The following UBE4A variants were observed in gnomAD, a reference collection of about 807,000 sequenced individuals.
The protein encoded by UBE4A is ubiquitin conjugation factor E4 A.
In UBE4A, 48 loss-of-function variants were observed where a neutral mutation model predicts 117.9. The ratio of observed to expected loss-of-function variants is 0.41; its 90% CI spans 0.32 to 0.52. UBE4A has a LOEUF of 0.52. Ranked by LOEUF, UBE4A falls within the 20% of genes least tolerant of loss-of-function variation. UBE4A has a pLI of 0.33. For missense variants in UBE4A, 1,067 were observed against 1,296.3 expected, an observed-to-expected ratio of 0.82 and a Z score of 2.72; for synonymous variants, 407 against 450.0, an observed-to-expected ratio of 0.90 and a Z score of 1.21.
intron 16 of UBE4A, among the ~76,000 whole-genome samples, chr11:118,388,659 AAAAG>A (rs1555127659): frequency 6.6e-6 from 1 of 152,130 alleles, no homozygotes; most frequent in Non-Finnish European, 1.5e-5. Flanking sequence ...AAAAAAAAAA[AAAAG>A]AAGCGATGAG....
intron 1 of UBE4A, among the ~76,000 whole-genome samples, chr11:118,361,010 T>G (rs200717624): frequency 5.6e-5 from 6 of 107,670 alleles, no homozygotes; most frequent in South Asian, 4.2e-4. Flanking sequence ...GTGTGTGTAT[T>G]TTTTTTTTTT....
At chr11:118,386,684 C>T (rs1555127334) in intron 16 of UBE4A, 72 bp downstream of exon 16, 1 of 1,435,074 alleles carries the variant, frequency 7.0e-7, no homozygotes, top group Non-Finnish European at 9.2e-7. Context: ...GGGATCAGCC[C>T]AGCTGAAACT....
intron 18 of UBE4A, among the ~76,000 whole-genome samples, chr11:118,391,043 T>C (rs1269792061): frequency 1.2e-4 from 18 of 152,084 alleles, no homozygotes; most frequent in Admixed American, 1.2e-3. Flanking sequence ...AATCAGATTG[T>C]CACCTCAGCT....
At chr11:118,375,274 G>A in intron 9 of UBE4A, 45 bp downstream of exon 9, 4 of 1,468,928 alleles carry the variant, frequency 2.7e-6, no homozygotes, top group Non-Finnish European at 3.7e-6. Flanking sequence ...GTGTGTGTGT[G>A]TAACGTGTAA....
chr11:118,394,208 T>C (rs963353824), intron 19 of UBE4A, among the ~76,000 whole-genome samples: 3 of 152,086 alleles, frequency 2.0e-5, no homozygotes, highest in Non-Finnish European at 1.5e-5. Context: ...CAGGCTGGAG[T>C]GCAGTGGCAT....
In UBE4A at chr11:118,367,962, A is replaced by C. The variant is rs76828939; in HGVS notation, c.122-669A>C. On this transcript the variant is annotated intron_variant, in intron 2 of 19. Coordinates refer to ENST00000252108, the MANE Select transcript of UBE4A (RefSeq NM_001204077.2). ...AATATTAGAAACAACCCTATTGTTCATCAGTTGAAAAGTAGCTACATAAAC... is the reference window on the plus strand; with the variant it reads ...AATATTAGAAACAACCCTATTGTTCCTCAGTTGAAAAGTAGCTACATAAAC... 8.6e-3 allele frequency among the ~76,000 whole-genome samples: 1,316 copies of C among 152,336 alleles called. 20 individuals are homozygous for C. Among genetic ancestry groups the C allele is most frequent in the African/African-American group, 0.03 (1,251 of 41,568 alleles).
intron 1 of UBE4A, 126 bp downstream of exon 1, chr11:118,359,800 C>T (rs1241380821): frequency 6.6e-6 from 1 of 152,552 alleles, no homozygotes; most frequent in Non-Finnish European, 1.5e-5. Flanking sequence ...CTATGCTTTG[C>T]TAACCAGGGA....
chr11:118,364,638 T>A (rs1948548299), intron 1 of UBE4A, among the ~76,000 whole-genome samples: 1 of 152,130 alleles, frequency 6.6e-6, no homozygotes, highest in Non-Finnish European at 1.5e-5. Context: ...GCCAGCTTAA[T>A]TCTTGGGAAA....
rs368298990 is a variant in UBE4A at position 118,373,307 on chromosome 11, A to G, written c.924+19A>G. ...GGCAAAGGTAGGTCTGAAAGATGAT[A>G]TGTATTCAGTTGAGCTAGATGTGTA... On this transcript the variant is annotated intron_variant, in intron 7 of 19. Coordinates refer to ENST00000252108, the MANE Select transcript of UBE4A (RefSeq NM_001204077.2). 1.2e-6 allele frequency: 2 copies of G among 1,609,856 alleles called. No homozygotes were observed. Among genetic ancestry groups the G allele is most frequent in the East Asian group, 2.2e-5 (1 of 44,840 alleles).
In UBE4A at chr11:118,398,898, A is replaced by G. The variant is rs1366893623; in HGVS notation, c.*2458A>G. 1 of 205,768 alleles carries G rather than the reference A, an allele frequency of 4.9e-6. No homozygotes were observed. Among genetic ancestry groups the G allele is most frequent in the East Asian group, 1.4e-4 (1 of 6,904 alleles). 12.7% of individuals were successfully genotyped at this position (205,768 alleles called of 1,614,324 possible). ...GGTGCCAGTTGCTATTTGATATCAC[A>G]CTCTACAAAAGCTTCATTACTTTAT... On this transcript the variant is annotated 3_prime_UTR_variant, in exon 20 of 20. Transcript: ENST00000252108.
chr11:118,390,960 C>G (rs1230727288), intron 18 of UBE4A, among the ~76,000 whole-genome samples, 156 bp downstream of exon 18: 1 of 152,092 alleles, frequency 6.6e-6, no homozygotes, highest in South Asian at 2.1e-4. Context: ...TATGATCATG[C>G]CTGTGGATAG....
Position 118,396,989 on chromosome 11 carries a change from C to T in UBE4A, c.*549C>T, listed in dbSNP as rs1555129905. The T allele has an allele frequency of 2.0e-5, 3 of 152,058 alleles. No individual in the cohort carries two copies. Among genetic ancestry groups the T allele is most frequent in the Admixed American group, 6.6e-5 (1 of 15,262 alleles). 9.4% of individuals were successfully genotyped at this position (152,058 alleles called of 1,614,324 possible). A position where few individuals can be genotyped will look rare whatever the true frequency, so the allele number is the denominator to read the frequency against. On this transcript the variant is annotated 3_prime_UTR_variant, in exon 20 of 20. Coordinates refer to ENST00000252108, the MANE Select transcript of UBE4A (RefSeq NM_001204077.2). ...GCAGATACCTTTAAGTTTGTGTAGA[C>T]TTCTGAATAAGATGATAGACGAGAA...
At chr11:118,391,482 C>CAA (rs1183433504) in intron 18 of UBE4A, among the ~76,000 whole-genome samples, 1 of 113,578 alleles carries the variant, frequency 8.8e-6, no homozygotes, top group Non-Finnish European at 1.9e-5. Flanking sequence ...GATTCCATCT[C>CAA]AAAAAAAAAA....
rs1948899864 is a variant in UBE4A at position 118,398,898 on chromosome 11, ACT to A, written c.*2461_*2462del. The A allele has an allele frequency of 4.9e-6, 1 of 205,650 alleles. No individual in the cohort carries two copies. The highest frequency in any genetic ancestry group is 2.3e-5 in the African/African-American group (1 of 42,632). The allele number at this position is 205,650 out of a possible 1,614,324, so 12.7% of individuals were successfully genotyped here. A position where few individuals can be genotyped will look rare whatever the true frequency, so the allele number is the denominator to read the frequency against. On this transcript the variant is annotated 3_prime_UTR_variant, in exon 20 of 20. Transcript: ENST00000252108. ...GGTGCCAGTTGCTATTTGATATCAC[ACT>A]CTACAAAAGCTTCATTACTTTATTT... is the stretch of plus-strand genomic sequence containing the variant.
At chr11:118,395,330 A>AG (rs1948860381) in intron 19 of UBE4A, among the ~76,000 whole-genome samples, 1 of 150,352 alleles carries the variant, frequency 6.7e-6, no homozygotes. Flanking sequence ...ACTCCATCTC[A>AG]GAAAAAAAAA....
In UBE4A at chr11:118,384,703, T is replaced by G; in HGVS notation, c.2266T>G (p.Trp756Gly). Residue 756 changes from tryptophan to glycine, a missense_variant, in exon 14 of 20, where the codon TGG becomes GGG. This residue lies in a region of UBE4A where 1,001 missense variants were observed against 1,184.0 expected (regional missense o/e 0.85). Coordinates refer to ENST00000252108, the MANE Select transcript of UBE4A (RefSeq NM_001204077.2). ...CATGTATCCTATCCTAAGATACATG[T>G]GGGGGACAGATACCTATCGGGAGAG... ...RPMYPILRYM[W>G]GTDTYRESIK... The G allele has an allele frequency of 6.2e-7, 1 of 1,614,060 alleles. No homozygotes were observed. Among genetic ancestry groups the G allele is most frequent in the Non-Finnish European group, 8.5e-7 (1 of 1,179,994 alleles).
intron 9 of UBE4A, among the ~76,000 whole-genome samples, chr11:118,376,086 G>T (rs1555125329): frequency 6.6e-6 from 1 of 152,160 alleles, no homozygotes; most frequent in East Asian, 1.9e-4. Flanking sequence ...TAGGGCAAGG[G>T]GTAGATGGGG....
chr11:118,386,393 A>G (rs1276791938), intron 15 of UBE4A, 45 bp from the exon 16 acceptor site: 4 of 1,563,544 alleles, frequency 2.6e-6, no homozygotes, highest in Non-Finnish European at 3.4e-6. Context: ...CGTCCCTTCA[A>G]CTGCACCTTT....
In UBE4A at chr11:118,372,593, C is replaced by G. The variant is rs149631434; in HGVS notation, c.648C>G (p.Thr216=). ...CCAATACCCGAACAGTTCTTCTCACCCCAGAGATCTATGTTGACCAAAACA... is the reference window on the plus strand; with the variant it reads ...CCAATACCCGAACAGTTCTTCTCACGCCAGAGATCTATGTTGACCAAAACA... ...TVSNTRTVLL[T]PEIYVDQNIH... The change falls in exon 6 of 20, where the codon ACC becomes ACG. Residue 216 remains threonine, a synonymous_variant. Transcript: ENST00000252108. The G allele has an allele frequency of 1.1e-3, 1,770 of 1,614,142 alleles. 1 individual carries two copies. The highest frequency in any genetic ancestry group is 1.4e-3 in the Non-Finnish European group (1,622 of 1,180,026).
Sources: allele counts gnomAD v4.1 joint callset (sites outside exome capture counted in the v4.1 genomes callset), GRCh38; gene constraint gnomAD v4.1.1; regional missense constraint gnomAD v4.1.1; transcripts MANE v1.5; gene names NCBI Gene and HGNC (gene_info 2026-07-23, HGNC 2026-07-21).